BICRAL: variants seen among roughly 807,000 people sequenced by gnomAD.
The protein encoded by BICRAL is BRD4-interacting chromatin-remodeling complex-associated protein-like.
A neutral mutation model predicts 91.8 loss-of-function variants in BICRAL; 8 were observed. The ratio of observed to expected loss-of-function variants is 0.09; its 90% CI spans 0.05 to 0.16. BICRAL has a LOEUF of 0.16. BICRAL is among the 10% of genes least tolerant of loss of function. BICRAL has a pLI of 1.00. For synonymous variants in BICRAL, 445 were observed against 491.1 expected (o/e 0.91, Z 1.24); for missense variants, 1,038 against 1,310.9 (o/e 0.79, Z 3.21).
In BICRAL at chr6:42,816,781, G is replaced by A. The variant is rs368539384; in HGVS notation, c.-5-5237G>A. Reference sequence around the variant, plus strand: ...TGTAATCCCAGCACTTTGGGAGGCCGAGGCGGGCGGATCACGAGGTCAGGA... The same window carrying A: ...TGTAATCCCAGCACTTTGGGAGGCCAAGGCGGGCGGATCACGAGGTCAGGA... On this transcript the variant is annotated intron_variant, in intron 2 of 12. Transcript: ENST00000314073. Among the ~76,000 whole-genome samples, 671 of 152,162 alleles carry A rather than the reference G, an allele frequency of 4.4e-3. 3 individuals carry two copies. Among genetic ancestry groups the A allele is most frequent in the African/African-American group, 0.015 (637 of 41,520 alleles).
intron 1 of BICRAL, among the ~76,000 whole-genome samples, chr6:42,802,003 G>A (rs1205252836): frequency 6.6e-6 from 1 of 152,030 alleles, no homozygotes; most frequent in African/African-American, 2.4e-5. Context: ...TGCTGGGCAT[G>A]GTGACTCATA....
At chr6:42,834,310 T>C (rs1764581780) in intron 6 of BICRAL, among the ~76,000 whole-genome samples, 2 of 152,246 alleles carry the variant, frequency 1.3e-5, no homozygotes, top group Admixed American at 1.3e-4. Context: ...TTGCATAAGA[T>C]GTTGTCCTTC....
At chr6:42,799,781 A>G (rs1426501193) in intron 1 of BICRAL, among the ~76,000 whole-genome samples, 1 of 152,176 alleles carries the variant, frequency 6.6e-6, no homozygotes, top group Non-Finnish European at 1.5e-5. Flanking sequence ...ACATTAAATC[A>G]ATATCTTTAA....
chr6:42,849,681 C>T (rs1309201283), intron 6 of BICRAL, among the ~76,000 whole-genome samples: 4 of 151,928 alleles, frequency 2.6e-5, no homozygotes, highest in African/African-American at 4.8e-5. Flanking sequence ...CCTCGTGATC[C>T]GCCCACCTCG....
chr6:42,865,968 AG>A lies in BICRAL; in HGVS notation c.*526del, dbSNP rs1298466618. 1 of 152,548 alleles carries A rather than the reference AG, an allele frequency of 6.6e-6. No homozygotes were observed. Among genetic ancestry groups the A allele is most frequent in the African/African-American group, 2.4e-5 (1 of 41,374 alleles). The allele number at this position is 152,548 out of a possible 1,614,324, so 9.4% of individuals were successfully genotyped here. A position where few individuals can be genotyped will look rare whatever the true frequency, so the allele number is the denominator to read the frequency against. On this transcript the variant is annotated 3_prime_UTR_variant, in exon 13 of 13. Transcript: ENST00000314073. ...TGTGTGTGTTTTGTTGTTATTGTTG[AG>A]GGGAAGACCACATGGTTCTTCCCCC...
intron 1 of BICRAL, among the ~76,000 whole-genome samples, chr6:42,751,099 A>G (rs1489145187): frequency 1.3e-5 from 2 of 149,872 alleles, no homozygotes; most frequent in Middle Eastern, 3.2e-3. Context: ...TTATTTGAAT[A>G]AGGATCCAAA....
At chr6:42,862,695 T>C in intron 12 of BICRAL, 83 bp downstream of exon 12, 1 of 852,602 alleles carries the variant, frequency 1.2e-6, no homozygotes, top group East Asian at 2.5e-5. Context: ...TGTCTGAACT[T>C]TGGGTAAGAA....
chr6:42,805,312 G>A (rs908309213), intron 1 of BICRAL, among the ~76,000 whole-genome samples: 2 of 152,188 alleles, frequency 1.3e-5, no homozygotes, highest in African/African-American at 4.8e-5. Flanking sequence ...AGTGGCAGTG[G>A]GCTAGAATAG....
At chr6:42,747,805 G>GTTTTTTTTTTTTTT (rs56209754) in intron 1 of BICRAL, among the ~76,000 whole-genome samples, 3 of 125,310 alleles carry the variant, frequency 2.4e-5, no homozygotes, top group African/African-American at 5.9e-5. Context: ...GTTTTATTTT[G>GTTTTTTTTTTTTTT]TTTTTTTTTT....
chr6:42,822,310 A>C (rs919489794), intron 3 of BICRAL, among the ~76,000 whole-genome samples: 1 of 150,936 alleles, frequency 6.6e-6, no homozygotes, highest in Non-Finnish European at 1.5e-5. Context: ...GCACAATCTC[A>C]GCTCACTGTA....
chr6:42,830,722 C>T (rs937967189), intron 6 of BICRAL, among the ~76,000 whole-genome samples: 1 of 152,112 alleles, frequency 6.6e-6, no homozygotes, highest in Non-Finnish European at 1.5e-5. Context: ...CTCAGATGAT[C>T]TTCCCACCTC....
chr6:42,782,562 C>T (rs1247210188), intron 1 of BICRAL, among the ~76,000 whole-genome samples: 4 of 139,390 alleles, frequency 2.9e-5, no homozygotes, highest in Non-Finnish European at 4.6e-5. Flanking sequence ...TTTCTTTTTC[C>T]TTTTTTTTCT....
At chr6:42,826,423 C>T (rs569897565) in intron 5 of BICRAL, among the ~76,000 whole-genome samples, 35 of 151,748 alleles carry the variant, frequency 2.3e-4, no homozygotes, top group Middle Eastern at 3.4e-3. Context: ...TTAGTAGAAA[C>T]GAGGTTTCAC....
chr6:42,800,429 G>T (rs1400333103), intron 1 of BICRAL, among the ~76,000 whole-genome samples: 1 of 152,178 alleles, frequency 6.6e-6, no homozygotes, highest in Non-Finnish European at 1.5e-5. Context: ...CCCCCAAAGT[G>T]CTGGGATTAC....
chr6:42,792,365 A>G (rs1279272668), intron 1 of BICRAL, among the ~76,000 whole-genome samples: 1 of 151,956 alleles, frequency 6.6e-6, no homozygotes, highest in Non-Finnish European at 1.5e-5. Context: ...TCGTGGGTTC[A>G]AGCAGCCCTC....
intron 1 of BICRAL, among the ~76,000 whole-genome samples, chr6:42,787,937 A>G (rs1274910533): frequency 7.3e-5 from 11 of 150,894 alleles, no homozygotes; most frequent in Non-Finnish European, 1.5e-4. Flanking sequence ...TCAGTCATCC[A>G]GGTTGGAGTG....
At chr6:42,781,332 A>G (rs2113856691), upstream of BICRAL, among the ~76,000 whole-genome samples, 1 of 152,292 alleles carries the variant, frequency 6.6e-6, no homozygotes, top group Admixed American at 6.5e-5. Context: ...ATGTTCACAT[A>G]CGGGCTTCAC....
At chr6:42,843,054 A>C (rs563891872) in intron 6 of BICRAL, among the ~76,000 whole-genome samples, 2 of 152,032 alleles carry the variant, frequency 1.3e-5, no homozygotes, top group African/African-American at 4.8e-5. Flanking sequence ...ACGGGGTTTT[A>C]CCATGTTAGC....
At chr6:42,862,404 C>A in intron 11 of BICRAL, 106 bp from the exon 12 acceptor site, 2 of 754,992 alleles carry the variant, frequency 2.6e-6, no homozygotes, top group South Asian at 1.5e-5. Context: ...TTTTCACATG[C>A]CCTGTAGTAT....
Sources: allele counts gnomAD v4.1 joint callset (sites outside exome capture counted in the v4.1 genomes callset), GRCh38; gene constraint gnomAD v4.1.1; transcripts MANE v1.5; gene names NCBI Gene and HGNC (gene_info 2026-07-23, HGNC 2026-07-21).